The following DNAH7 variants were observed in gnomAD, a reference collection of about 807,000 sequenced individuals.
The protein encoded by DNAH7 is axonemal beta dynein heavy chain 7.
A neutral mutation model predicts 444.6 loss-of-function variants in DNAH7; 397 were observed. The ratio of observed to expected loss-of-function variants is 0.89; its 90% CI spans 0.82 to 0.97. DNAH7 has a LOEUF of 0.97. DNAH7 is among the 50% of genes least tolerant of loss of function. DNAH7 has a pLI of 0.00. For missense variants in DNAH7, 4,902 were observed against 4,800.8 expected, an observed-to-expected ratio of 1.02 and a Z score of -0.62; for synonymous variants, 1,636 against 1,624.4, an observed-to-expected ratio of 1.01 and a Z score of -0.17.
intron 4 of DNAH7, among the ~76,000 whole-genome samples, chr2:196,048,001 CT>C (rs887723556): frequency 2.0e-5 from 3 of 152,076 alleles, no homozygotes; most frequent in African/African-American, 4.8e-5. Context: ...TAAAATCTCT[CT>C]TATAAAAATC....
At chr2:195,937,198 G>A (rs1390712366) in intron 19 of DNAH7, among the ~76,000 whole-genome samples, 1 of 152,060 alleles carries the variant, frequency 6.6e-6, no homozygotes, top group East Asian at 1.9e-4. Flanking sequence ...GAATTTTATT[G>A]TTATGAATAA....
chr2:195,900,256 C>T (rs1438531623), intron 28 of DNAH7, 26 bp downstream of exon 28: 1 of 1,608,570 alleles, frequency 6.2e-7, no homozygotes, highest in Admixed American at 1.7e-5. Flanking sequence ...AGGAAATTTA[C>T]AAGTAAGAAA....
rs147587588 is a variant in DNAH7 at position 195,818,161 on chromosome 2, T to C, written c.9292-332A>G. 4.0e-3 allele frequency among the ~76,000 whole-genome samples: 616 copies of C among 152,316 alleles called. 1 individual carries two copies. The highest frequency in any genetic ancestry group is 5.5e-3 in the Non-Finnish European group (373 of 68,030). ...GGTTGGAAGCTATCTTTCATTTCAG[T>C]TGATCAGAGCATGGTATAATATATG... On this transcript the variant is annotated intron_variant, in intron 49 of 64. Coordinates refer to ENST00000312428, the MANE Select transcript of DNAH7 (RefSeq NM_018897.3).
chr2:195,810,967 C>A (rs1442931146), intron 51 of DNAH7, among the ~76,000 whole-genome samples: 1 of 152,096 alleles, frequency 6.6e-6, no homozygotes, highest in Non-Finnish European at 1.5e-5. Flanking sequence ...AAATTTTCTG[C>A]ACTTTAAAAC....
chr2:195,877,011 G>C (rs1701101967), intron 36 of DNAH7, among the ~76,000 whole-genome samples: 2 of 152,116 alleles, frequency 1.3e-5, no homozygotes, highest in Admixed American at 1.3e-4. Context: ...AATTCAGACT[G>C]CCATTTGTCT....
intron 48 of DNAH7, among the ~76,000 whole-genome samples, chr2:195,833,858 G>GA (rs1454606460): frequency 6.6e-6 from 1 of 151,890 alleles, no homozygotes; most frequent in Non-Finnish European, 1.5e-5. Context: ...AGGTTCAAGC[G>GA]ATTCTCCTGC....
At chr2:196,022,687 C>A (rs950525838) in intron 8 of DNAH7, among the ~76,000 whole-genome samples, 1 of 152,168 alleles carries the variant, frequency 6.6e-6, no homozygotes, top group Non-Finnish European at 1.5e-5. Flanking sequence ...AAGTCTTGAG[C>A]CACTCAAAGT....
chr2:195,956,388 C>G (rs1002636507), intron 19 of DNAH7, among the ~76,000 whole-genome samples: 1 of 152,220 alleles, frequency 6.6e-6, no homozygotes, highest in Non-Finnish European at 1.5e-5. Flanking sequence ...TGGTGGCTCA[C>G]GCCTGCAATC....
At chr2:195,957,028 G>C (rs527629952) in intron 19 of DNAH7, among the ~76,000 whole-genome samples, 1 of 152,178 alleles carries the variant, frequency 6.6e-6, no homozygotes, top group Non-Finnish European at 1.5e-5. Flanking sequence ...ACCAAAGGTT[G>C]TTAAACAATG....
intron 19 of DNAH7, among the ~76,000 whole-genome samples, chr2:195,948,307 T>C (rs1226041979): frequency 1.3e-5 from 2 of 152,212 alleles, no homozygotes; most frequent in Non-Finnish European, 2.9e-5. Context: ...TATATCCCAT[T>C]TGTCAATTTT....
chr2:195,925,449 G>T (rs1476371922), intron 22 of DNAH7, among the ~76,000 whole-genome samples: 1 of 152,106 alleles, frequency 6.6e-6, no homozygotes, highest in Non-Finnish European at 1.5e-5. Context: ...ACACCCAAGG[G>T]CCCAAAAGTA....
At position 196,027,066 on chromosome 2, in the gene DNAH7, T is replaced by C. The variant is rs528505907; in HGVS notation, c.487-126A>G. ...TATTTATAAAGCATAAAAAAGTATT[T>C]GGTACAATTCACATAGGTATTATTT... On this transcript the variant is annotated intron_variant, in intron 6 of 64. Transcript: ENST00000312428. The C allele has an allele frequency of 1.8e-5, 12 of 679,716 alleles. No homozygotes were observed. In the South Asian group the frequency reaches 2.0e-4, roughly 12 times the overall value. The allele number at this position is 679,716 out of a possible 1,614,324, so 42.1% of individuals were successfully genotyped here. A position where few individuals can be genotyped will look rare whatever the true frequency, so the allele number is the denominator to read the frequency against.
At chr2:195,794,180 C>A (rs1432641734) in intron 57 of DNAH7, among the ~76,000 whole-genome samples, 158 bp downstream of exon 57, 3 of 152,122 alleles carry the variant, frequency 2.0e-5, no homozygotes, top group African/African-American at 7.2e-5. Context: ...ACAAAATTGA[C>A]TTCAGCACAG....
Position 195,960,304 on chromosome 2 carries a change from A to G in DNAH7, c.2847T>C (p.Thr949=). 6.2e-7 allele frequency: 1 copy of G among 1,613,610 alleles called. No individual in the cohort carries two copies. Among genetic ancestry groups the G allele is most frequent in the Non-Finnish European group, 8.5e-7 (1 of 1,179,944 alleles). The change falls in exon 18 of 65, where the codon ACT becomes ACC. Residue 949 remains threonine, a synonymous_variant. Coordinates refer to ENST00000312428, the MANE Select transcript of DNAH7 (RefSeq NM_018897.3). ...GCTTAATGAAAGGAGATCCTCGCAT[A>G]GTTTGTGTTTTAATAATATGGTCAT... ...LLDDHIIKTQ[T]MRGSPFIKPY...
intron 48 of DNAH7, among the ~76,000 whole-genome samples, chr2:195,828,437 T>C (rs910973655): frequency 6.6e-6 from 1 of 151,584 alleles, no homozygotes; most frequent in Non-Finnish European, 1.5e-5. Flanking sequence ...ACAAAAAAAT[T>C]AGCCAGGTGT....
At chr2:195,867,141 A>G (rs778688453) in intron 40 of DNAH7, among the ~76,000 whole-genome samples, 1 of 152,222 alleles carries the variant, frequency 6.6e-6, no homozygotes, top group African/African-American at 2.4e-5. Context: ...TTAAGTGTAC[A>G]GCTCAAAGAA....
At chr2:195,746,341 C>A (rs1693402534) in intron 63 of DNAH7, among the ~76,000 whole-genome samples, 1 of 152,126 alleles carries the variant, frequency 6.6e-6, no homozygotes, top group South Asian at 2.1e-4. Context: ...CACTCAGATT[C>A]ATAAAGCAAG....
At chr2:195,844,369 G>A (rs970493910) in intron 47 of DNAH7, among the ~76,000 whole-genome samples, 1 of 152,114 alleles carries the variant, frequency 6.6e-6, no homozygotes, top group South Asian at 2.1e-4. Context: ...AAAGGCTCAC[G>A]GTAATGTGAA....
intron 5 of DNAH7, among the ~76,000 whole-genome samples, chr2:196,033,186 TTGA>T (rs1163758461): frequency 2.6e-5 from 4 of 152,150 alleles, no homozygotes; most frequent in Non-Finnish European, 2.9e-5. Flanking sequence ...TAACTGTAAA[TTGA>T]TGATTTATAG....
Sources: gnomAD v4.1 joint callset for allele counts (sites outside exome capture counted in the v4.1 genomes callset) on GRCh38, gnomAD v4.1.1 for gene constraint, MANE v1.5 for transcripts, NCBI Gene and HGNC (gene_info 2026-07-23, HGNC 2026-07-21) for gene names.